Variants in OTUD7A observed in about 807,000 individuals in gnomAD.
The protein encoded by OTUD7A is OTU deubiquitinase 7A, also known as OTU domain-containing protein 7A.
A neutral mutation model predicts 65.7 loss-of-function variants in OTUD7A; 12 were observed. The observed-to-expected ratio is 0.18, with a 90% CI of 0.12 to 0.30. OTUD7A has a LOEUF of 0.30. Among genes scored for constraint, OTUD7A ranks in the 10% least tolerant of loss-of-function variants. The probability of loss-of-function intolerance (pLI) is 1.00; values close to 1 mark genes in which losing one functional copy is unlikely to be tolerated. For synonymous variants in OTUD7A, 641 were observed against 586.3 expected, an observed-to-expected ratio of 1.09 and a Z score of -1.35; for missense variants, 1,148 against 1,304.8, an observed-to-expected ratio of 0.88 and a Z score of 1.85.
chr15:31,668,983 C>G (rs762255361), intron 1 of OTUD7A, among the ~76,000 whole-genome samples: 85 of 152,366 alleles, frequency 5.6e-4, no homozygotes, highest in Non-Finnish European at 1.1e-3. Flanking sequence ...ATTGTCTGTA[C>G]AGAGCCCTGT....
chr15:31,787,491 G>C (rs16955907), intron 1 of OTUD7A: 1 of 152,130 alleles, frequency 6.6e-6, no homozygotes, highest in Non-Finnish European at 1.5e-5. Context: ...AAGCCTAGGT[G>C]GCAGCCTTAA....
chr15:31,532,341 A>G (rs1887650587), intron 5 of OTUD7A, among the ~76,000 whole-genome samples: 1 of 152,228 alleles, frequency 6.6e-6, no homozygotes, highest in East Asian at 1.9e-4. Context: ...AAACAATAGA[A>G]GATACAAAAC....
chr15:31,859,556 T>G (rs1055819302), intron 1 of OTUD7A, among the ~76,000 whole-genome samples: 1 of 152,224 alleles, frequency 6.6e-6, no homozygotes, highest in African/African-American at 2.4e-5. Flanking sequence ...GAGACCAACT[T>G]TCTTTCCCCC....
At chr15:31,722,197 T>A (rs1373538527) in intron 1 of OTUD7A, among the ~76,000 whole-genome samples, 2 of 152,288 alleles carry the variant, frequency 1.3e-5, no homozygotes, top group Admixed American at 1.3e-4. Flanking sequence ...TGGCAGGGAC[T>A]GGGAGAGGGT....
chr15:31,786,749 G>A (rs147102263), intron 1 of OTUD7A, among the ~76,000 whole-genome samples: 2,047 of 152,266 alleles, frequency 0.013, 21 homozygotes, highest in Non-Finnish European at 0.018. Context: ...GGAAAGGGAG[G>A]TGTAAGCAGG....
intron 1 of OTUD7A, among the ~76,000 whole-genome samples, chr15:31,753,721 TTATATA>T (rs149582805): frequency 9.4e-6 from 1 of 106,778 alleles, no homozygotes; most frequent in Non-Finnish European, 1.8e-5. Flanking sequence ...TATATATATA[TTATATA>T]TATATATATA....
In OTUD7A at chr15:31,576,171, G is replaced by T. The variant is rs1889197604; in HGVS notation, c.152-5974C>A. ...TTGCTCACCAGGAAATTCCTTATGG[G>T]CCTCAAGATCTTTCTTTAGGGACTC... On this transcript the variant is annotated intron_variant, in intron 3 of 12. Transcript: ENST00000307050. Among the ~76,000 whole-genome samples, 3 of 152,188 alleles carry T rather than the reference G, an allele frequency of 2.0e-5. No homozygotes were observed. In the South Asian group the frequency reaches 6.2e-4, roughly 32 times the overall value.
intron 3 of OTUD7A, among the ~76,000 whole-genome samples, chr15:31,626,084 G>C (rs940745092): frequency 6.6e-5 from 10 of 152,166 alleles, no homozygotes; most frequent in African/African-American, 2.4e-4. Context: ...AAGGAAGGTA[G>C]TGTTTGATTT....
chr15:31,499,914 G>A (rs898274957), intron 10 of OTUD7A, among the ~76,000 whole-genome samples: 2 of 152,200 alleles, frequency 1.3e-5, no homozygotes, highest in South Asian at 2.1e-4. Context: ...AAGCCACAGC[G>A]CCCTCCATGG....
chr15:31,733,240 C>A (rs1287308107), intron 1 of OTUD7A, among the ~76,000 whole-genome samples: 1 of 152,170 alleles, frequency 6.6e-6, no homozygotes, highest in African/African-American at 2.4e-5. Context: ...CAGCTCAGAG[C>A]AAATCTAACC....
intron 1 of OTUD7A, chr15:31,766,042 CA>C: frequency 6.4e-7 from 1 of 1,554,778 alleles, no homozygotes; most frequent in Non-Finnish European, 8.9e-7. Context: ...GGCAAAGGAG[CA>C]AATAGTCCAT....
In OTUD7A at chr15:31,821,284, T is replaced by TACCC. The variant is rs1346039864; in HGVS notation, c.-100+49222_-100+49223insGGGT. Among the ~76,000 whole-genome samples, 466 of 149,524 alleles carry TACCC rather than the reference T, an allele frequency of 3.1e-3. 3 individuals carry two copies. Among genetic ancestry groups the TACCC allele is most frequent in the African/African-American group, 0.011 (453 of 40,716 alleles). ...CCGAGTAGCTGGGACTACAGGCGTG[T>TACCC]GCCACCACGCCCAGGTACCTTTTTT... On this transcript the variant is annotated intron_variant, in intron 1 of 12. Coordinates refer to ENST00000307050, the MANE Select transcript of OTUD7A (RefSeq NM_001382637.1).
In OTUD7A at chr15:31,633,673, T is replaced by G. The variant is rs117902013; in HGVS notation, c.151+21423A>C. Among the ~76,000 whole-genome samples, 1,024 of 152,282 alleles carry G rather than the reference T, an allele frequency of 6.7e-3. 5 individuals are homozygous for G. Among genetic ancestry groups the G allele is most frequent in the Non-Finnish European group, 0.01 (683 of 68,004 alleles). ...CATGGACTGCTCAGATATGCTGCCATGACCACCCTTCACTCACAGCATGGC... is the reference window on the plus strand; with the variant it reads ...CATGGACTGCTCAGATATGCTGCCAGGACCACCCTTCACTCACAGCATGGC... On this transcript the variant is annotated intron_variant, in intron 3 of 12. Coordinates refer to ENST00000307050, the MANE Select transcript of OTUD7A (RefSeq NM_001382637.1).
intron 1 of OTUD7A, among the ~76,000 whole-genome samples, chr15:31,721,318 T>C (rs1389479006): frequency 6.6e-6 from 1 of 152,122 alleles, no homozygotes; most frequent in African/African-American, 2.4e-5. Flanking sequence ...GGTTTACAAC[T>C]GGGGAGAAGG....
intron 3 of OTUD7A, among the ~76,000 whole-genome samples, chr15:31,628,691 C>T (rs1891043036): frequency 6.6e-6 from 1 of 151,978 alleles, no homozygotes; most frequent in Non-Finnish European, 1.5e-5. Flanking sequence ...GGCAGTATGG[C>T]CATTTTCACG....
At chr15:31,524,635 C>T (rs924548568) in intron 8 of OTUD7A, among the ~76,000 whole-genome samples, 8 of 151,466 alleles carry the variant, frequency 5.3e-5, no homozygotes, top group Admixed American at 5.3e-4. Flanking sequence ...TCACTCCCAT[C>T]CACCCTTGGT....
chr15:31,669,906 C>A (rs112829514), intron 1 of OTUD7A, among the ~76,000 whole-genome samples: 5,392 of 119,564 alleles, frequency 0.045, 16 homozygotes, highest in African/African-American at 0.058. Context: ...CTCCTGCAAA[C>A]AGACCTTCAA....
At chr15:31,567,417 G>A (rs1888909345) in intron 4 of OTUD7A, among the ~76,000 whole-genome samples, 1 of 152,212 alleles carries the variant, frequency 6.6e-6, no homozygotes, top group South Asian at 2.1e-4. Context: ...GCATTCAGAT[G>A]CTGCAGCAAA....
chr15:31,755,228 TTAA>T (rs1894778248), intron 1 of OTUD7A, among the ~76,000 whole-genome samples: 1 of 151,914 alleles, frequency 6.6e-6, no homozygotes, highest in African/African-American at 2.4e-5. Flanking sequence ...TGAGGAAGTA[TTAA>T]TAATATGTGG....
Sources: gnomAD v4.1 joint callset for allele counts (sites outside exome capture counted in the v4.1 genomes callset) on GRCh38, gnomAD v4.1.1 for gene constraint, MANE v1.5 for transcripts, NCBI Gene and HGNC (gene_info 2026-07-23, HGNC 2026-07-21) for gene names.